TBC1D9: variants seen among roughly 807,000 people sequenced by gnomAD.
TBC1D9 encodes TBC1 domain family member 9A.
Under a neutral mutation model 132.0 loss-of-function variants are expected in TBC1D9, and 63 were observed. The observed-to-expected ratio is 0.48, with a 90% CI of 0.39 to 0.59. The LOEUF (loss-of-function observed/expected upper bound fraction) is 0.59. TBC1D9 is among the 20% of genes least tolerant of loss of function. TBC1D9 has a pLI of 0.00. For missense variants in TBC1D9, 1,261 were observed against 1,592.7 expected (o/e 0.79, Z 3.54); for synonymous variants, 610 against 609.9 (o/e 1.00, Z 0.00).
At position 140,686,333 on chromosome 4, in the gene TBC1D9, T is replaced by C. The variant is rs757952320; in HGVS notation, c.360+11A>G. On this transcript the variant is annotated intron_variant, in intron 3 of 20. Transcript: ENST00000442267. Reference sequence around the variant, plus strand: ...ATTTCCAATTAAAATGTTTTTCTTTTATCCCACTACCTGTATTTTTCCTCT... The same window carrying C: ...ATTTCCAATTAAAATGTTTTTCTTTCATCCCACTACCTGTATTTTTCCTCT... 2.2e-6 allele frequency: 3 copies of C among 1,367,816 alleles called. No individual in the cohort carries two copies. The highest frequency in any genetic ancestry group is 2.9e-5 in the African/African-American group (2 of 68,474). 84.7% of individuals were successfully genotyped at this position (1,367,816 alleles called of 1,614,324 possible). A position where few individuals can be genotyped will look rare whatever the true frequency, so the allele number is the denominator to read the frequency against.
intron 15 of TBC1D9, among the ~76,000 whole-genome samples, chr4:140,638,504 A>G (rs1736914198): frequency 1.3e-5 from 2 of 151,626 alleles, no homozygotes; most frequent in Non-Finnish European, 2.9e-5. Flanking sequence ...TCTACTAAAA[A>G]AAAAGAAAAA....
At chr4:140,742,531 C>CAAAAAAAAAAAAAAAAAAAAAAAAAA (rs35891616) in intron 1 of TBC1D9, among the ~76,000 whole-genome samples, 1 of 63,448 alleles carries the variant, frequency 1.6e-5, no homozygotes, top group Admixed American at 2.1e-4. Flanking sequence ...GACTCTGTCT[C>CAAAAAAAAAAAAAAAAAAAAAAAAAA]AAAAAAAAAA....
intron 2 of TBC1D9, among the ~76,000 whole-genome samples, chr4:140,692,799 C>G (rs1227872757): frequency 6.6e-6 from 1 of 152,104 alleles, no homozygotes; most frequent in Non-Finnish European, 1.5e-5. Flanking sequence ...GCAGGTGGAT[C>G]ACTTGAGCCT....
intron 10 of TBC1D9, among the ~76,000 whole-genome samples, chr4:140,660,480 T>C (rs1357763478): frequency 6.6e-6 from 1 of 152,254 alleles, no homozygotes; most frequent in East Asian, 1.9e-4. Context: ...TTTGGTTTAA[T>C]AGGCTCTTTC....
At chr4:140,744,132 G>A (rs192624396) in intron 1 of TBC1D9, among the ~76,000 whole-genome samples, 1 of 152,088 alleles carries the variant, frequency 6.6e-6, no homozygotes, top group Admixed American at 6.5e-5. Flanking sequence ...GAGGTGGGGG[G>A]GATTCATGGG....
chr4:140,694,762 G>A lies in TBC1D9; in HGVS notation c.241+6742C>T, dbSNP rs186794686. Among the ~76,000 whole-genome samples the A allele has an allele frequency of 2.8e-5, 4 of 144,338 alleles. No homozygotes were observed. The Admixed American group carries it at 2.8e-4, about 10-fold the overall frequency. 94.7% of individuals were successfully genotyped at this position (144,338 alleles called of 152,430 possible). On this transcript the variant is annotated intron_variant, in intron 2 of 20. Transcript: ENST00000442267. ...ATATACCTATATATTTGTATATATA[G>A]GTATATAAAGTATATTGGAGATTTT...
At chr4:140,649,114 A>G (rs1345877511) in intron 13 of TBC1D9, among the ~76,000 whole-genome samples, 3 of 152,250 alleles carry the variant, frequency 2.0e-5, no homozygotes, top group Non-Finnish European at 4.4e-5. Flanking sequence ...TCCTTTCTAA[A>G]TCCTCCAAAG....
rs36222926 is a variant in TBC1D9 at position 140,709,248 on chromosome 4, T to TCACACA, written c.131-7640_131-7635dup. 5.3e-3 allele frequency among the ~76,000 whole-genome samples: 557 copies of TCACACA among 104,164 alleles called. 4 individuals carry two copies. The highest frequency in any genetic ancestry group is 0.019 in the African/African-American group (428 of 22,674). The allele number at this position is 104,164 out of a possible 152,430, so 68.3% of individuals were successfully genotyped here. A position where few individuals can be genotyped will look rare whatever the true frequency, so the allele number is the denominator to read the frequency against. ...CTCTCTCTCTCTCTCTCTCTCTCTCTCACACACACACACACACACACACAC... is the reference window on the plus strand; with the variant it reads ...CTCTCTCTCTCTCTCTCTCTCTCTCTCACACACACACACACACACACACACACACAC... On this transcript the variant is annotated intron_variant, in intron 1 of 20. Coordinates refer to ENST00000442267, the MANE Select transcript of TBC1D9 (RefSeq NM_015130.3).
At chr4:140,736,528 A>T (rs1434246318) in intron 1 of TBC1D9, among the ~76,000 whole-genome samples, 1 of 152,140 alleles carries the variant, frequency 6.6e-6, no homozygotes, top group East Asian at 1.9e-4. Context: ...TGACAGAGTG[A>T]GACTGTATCT....
intron 13 of TBC1D9, among the ~76,000 whole-genome samples, chr4:140,656,811 A>G (rs1312626710): frequency 6.6e-6 from 1 of 152,176 alleles, no homozygotes; most frequent in Non-Finnish European, 1.5e-5. Context: ...GATTAATGGC[A>G]CTATAAAAAG....
intron 1 of TBC1D9, 126 bp from the exon 2 acceptor site, chr4:140,701,740 C>T: frequency 1.5e-6 from 1 of 683,888 alleles, no homozygotes; most frequent in Non-Finnish European, 2.5e-6. Context: ...TGAACCACAC[C>T]TTGAAAAATT....
At chr4:140,745,328 C>G (rs2111082125) in intron 1 of TBC1D9, among the ~76,000 whole-genome samples, 1 of 152,264 alleles carries the variant, frequency 6.6e-6, no homozygotes, top group South Asian at 2.1e-4. Context: ...ACATTAAGTT[C>G]CATTAGGAGC....
intron 1 of TBC1D9, among the ~76,000 whole-genome samples, chr4:140,737,021 TG>T (rs1738683210): frequency 1.3e-5 from 2 of 152,008 alleles, no homozygotes; most frequent in African/African-American, 4.8e-5. Flanking sequence ...GCAGCAGGGG[TG>T]GGAATGGTTT....
chr4:140,727,922 G>A (rs1426448508), intron 1 of TBC1D9, among the ~76,000 whole-genome samples: 3 of 152,212 alleles, frequency 2.0e-5, no homozygotes, highest in African/African-American at 4.8e-5. Flanking sequence ...CTAATTGCAC[G>A]GAAGGAGTAT....
At chr4:140,657,020 A>AT (rs1737282533) in intron 13 of TBC1D9, 77 bp downstream of exon 13, 2 of 1,531,686 alleles carry the variant, frequency 1.3e-6, no homozygotes, top group Non-Finnish European at 1.8e-6. Flanking sequence ...GTATTCTGTT[A>AT]TAGCAGCACA....
At chr4:140,671,886 A>G (rs1737544327) in intron 6 of TBC1D9, among the ~76,000 whole-genome samples, 1 of 152,240 alleles carries the variant, frequency 6.6e-6, no homozygotes, top group African/African-American at 2.4e-5. Context: ...GTTTATTTGC[A>G]GCAGCTCTGA....
intron 1 of TBC1D9, among the ~76,000 whole-genome samples, chr4:140,712,940 G>C (rs1246794252): frequency 6.6e-6 from 1 of 152,078 alleles, no homozygotes; most frequent in Admixed American, 6.6e-5. Context: ...ACCGGTTACA[G>C]GGAGAAGGCC....
chr4:140,643,792 A>C (rs1266562195), intron 13 of TBC1D9: 2 of 860,374 alleles, frequency 2.3e-6, no homozygotes, highest in African/African-American at 3.3e-5. Flanking sequence ...GGCTCGGTGC[A>C]GCCCTGCCCG....
Position 140,687,321 on chromosome 4 carries a change from A to ATATATG in TBC1D9, c.242-860_242-859insCATATA, listed in dbSNP as rs1553970627. ...ATATATATGTGTGCCATATATATATATGTGTGTGTGTGTGTGTGTGTCATA... is the reference window on the plus strand; with the variant it reads ...ATATATATGTGTGCCATATATATATATATATGTGTGTGTGTGTGTGTGTGTGTCATA... On this transcript the variant is annotated intron_variant, in intron 2 of 20. Coordinates refer to ENST00000442267, the MANE Select transcript of TBC1D9 (RefSeq NM_015130.3). Among the ~76,000 whole-genome samples, 10 of 97,460 alleles carry ATATATG rather than the reference A, an allele frequency of 1.0e-4. No homozygotes were observed. The East Asian group carries it at 2.6e-3, about 25-fold the overall frequency. The allele number at this position is 97,460 out of a possible 152,430, so 63.9% of individuals were successfully genotyped here. A position where few individuals can be genotyped will look rare whatever the true frequency, so the allele number is the denominator to read the frequency against.
Sources: gnomAD v4.1 joint callset for allele counts (sites outside exome capture counted in the v4.1 genomes callset) on GRCh38, gnomAD v4.1.1 for gene constraint, MANE v1.5 for transcripts, NCBI Gene and HGNC (gene_info 2026-07-23, HGNC 2026-07-21) for gene names.